Variants in FRY observed in about 807,000 individuals in gnomAD.
The protein encoded by FRY is protein furry homolog.
A neutral mutation model predicts 348.4 loss-of-function variants in FRY; 128 were observed. The observed-to-expected ratio is 0.37, with a 90% CI of 0.32 to 0.43. The LOEUF (loss-of-function observed/expected upper bound fraction) is 0.43, where lower values mean the gene tolerates loss of function less well. Ranked by LOEUF, FRY falls within the 20% of genes least tolerant of loss-of-function variation. The pLI is 1.00. For missense variants in FRY, 2,736 were observed against 3,695.2 expected (o/e 0.74, Z 6.73); for synonymous variants, 1,370 against 1,374.7 (o/e 1.00, Z 0.08).
intron 1 of FRY, among the ~76,000 whole-genome samples, chr13:32,047,304 C>G (rs1045681119): frequency 1.3e-5 from 2 of 152,194 alleles, no homozygotes; most frequent in Admixed American, 6.5e-5. Context: ...GACAGTATGA[C>G]CAGGAACCAA....
intron 17 of FRY, among the ~76,000 whole-genome samples, chr13:32,161,857 T>G (rs1881460885): frequency 6.6e-6 from 1 of 152,226 alleles, no homozygotes; most frequent in Non-Finnish European, 1.5e-5. Flanking sequence ...AACCTAAAAT[T>G]TATTTTCTTT....
chr13:32,228,361 C>A, intron 39 of FRY, 95 bp from the exon 40 acceptor site: 1 of 921,064 alleles, frequency 1.1e-6, no homozygotes, highest in Non-Finnish European at 1.8e-6. Flanking sequence ...ATTTAAATAA[C>A]TCCACACTTC....
intron 2 of FRY, chr13:32,085,754 A>C (rs1371843284): frequency 7.3e-6 from 3 of 409,126 alleles, no homozygotes; most frequent in African/African-American, 2.1e-5. Context: ...CTTTGTGTTC[A>C]CGCAAACATA....
chr13:32,139,819 A>C (rs1013587379), intron 11 of FRY, among the ~76,000 whole-genome samples: 1 of 152,212 alleles, frequency 6.6e-6, no homozygotes, highest in Admixed American at 6.5e-5. Flanking sequence ...CTATAAAAAA[A>C]TGCATTCCCT....
intron 1 of FRY, among the ~76,000 whole-genome samples, chr13:32,059,789 C>T (rs989197776): frequency 6.6e-6 from 1 of 152,206 alleles, no homozygotes; most frequent in African/African-American, 2.4e-5. Flanking sequence ...TGTCTGTACA[C>T]AGATAACTCC....
Position 32,178,177 on chromosome 13 carries a change from G to A in FRY, c.2422G>A (p.Ala808Thr). 6.8e-6 allele frequency: 11 copies of A among 1,614,120 alleles called. No individual in the cohort carries two copies. The highest frequency in any genetic ancestry group is 9.3e-6 in the Non-Finnish European group (11 of 1,179,996). ...TACAACCTACCTCTTATACCTACAG[G>A]CAACATTACCACTCACCCACAATGT... is the stretch of plus-strand genomic sequence containing the variant. The part of the protein sequence containing the change: ...SFIHVAVSDS[A>T]TLPLTHNVDL... The change falls in exon 21 of 61, where the codon GCA (alanine) becomes ACA (threonine). Residue 808 changes from alanine to threonine, a missense_variant and splice_region_variant. Ala to Thr is a moderately conservative substitution (Grantham distance 58, BLOSUM62 0). Around this residue, in one of 9 missense-constraint regions of FRY, gnomAD observed 449 missense variants for 576.9 expected, o/e 0.78. Transcript: ENST00000542859.
chr13:32,291,140 A>G (rs1197115871), intron 59 of FRY, among the ~76,000 whole-genome samples: 1 of 152,090 alleles, frequency 6.6e-6, no homozygotes, highest in Non-Finnish European at 1.5e-5. Flanking sequence ...GTGAGGATGA[A>G]GCCTGGGAAA....
chr13:32,087,244 G>A (rs114905687), intron 2 of FRY, among the ~76,000 whole-genome samples: 11 of 152,276 alleles, frequency 7.2e-5, no homozygotes, highest in African/African-American at 2.6e-4. Flanking sequence ...ATGGCCAGCC[G>A]GCACAAACAC....
Position 32,274,641 on chromosome 13 carries a change from T to C in FRY, c.8137-201T>C, listed in dbSNP as rs368924189. Among the ~76,000 whole-genome samples, 132 of 140,178 alleles carry C rather than the reference T, an allele frequency of 9.4e-4. No individual in the cohort carries two copies. In the Middle Eastern group the frequency reaches 0.012, roughly 13 times the overall value. The allele number at this position is 140,178 out of a possible 152,430, so 92.0% of individuals were successfully genotyped here. ...ATGGCGTGAACCTGGGAGGGGGAGCTTGCAGTGAGCCGAGATCGCGCCACT... is the reference window on the plus strand; with the variant it reads ...ATGGCGTGAACCTGGGAGGGGGAGCCTGCAGTGAGCCGAGATCGCGCCACT... On this transcript the variant is annotated intron_variant, in intron 55 of 60. Transcript: ENST00000542859.
chr13:32,184,112 G>A (rs572663558), intron 24 of FRY, among the ~76,000 whole-genome samples: 2 of 152,176 alleles, frequency 1.3e-5, no homozygotes, highest in African/African-American at 2.4e-5. Flanking sequence ...CCAGGAGTTC[G>A]AGGTTATAGT....
chr13:32,186,337 C>A lies in FRY; in HGVS notation c.3397C>A (p.Pro1133Thr). The A allele has an allele frequency of 1.2e-6, 2 of 1,610,000 alleles. No individual in the cohort carries two copies. The highest frequency in any genetic ancestry group is 2.2e-5 in the South Asian group (2 of 90,988). ...CATCTTATTCAGCCAGTGGGCAGGACCCTTCAGCATTATGTTCACTCCTCT... is the reference window on the plus strand; with the variant it reads ...CATCTTATTCAGCCAGTGGGCAGGAACCTTCAGCATTATGTTCACTCCTCT... ...LFILFSQWAGPFSIMFTPLDR... is the reference protein window; with the variant it reads ...LFILFSQWAGTFSIMFTPLDR... Residue 1133 changes from proline (P) to threonine (T), a missense_variant, in exon 27 of 61, where the codon CCC (proline) becomes ACC (threonine). Physicochemically the swap from Pro to Thr is conservative, Grantham distance 38 (BLOSUM62 -1). Coordinates refer to ENST00000542859, the MANE Select transcript of FRY (RefSeq NM_023037.3).
chr13:32,108,139 C>A (rs1877696143), intron 3 of FRY, among the ~76,000 whole-genome samples: 1 of 152,154 alleles, frequency 6.6e-6, no homozygotes, highest in Non-Finnish European at 1.5e-5. Flanking sequence ...GAGGGTCAGG[C>A]AGTGCACAAC....
At chr13:32,159,433 A>G (rs1423223374) in intron 16 of FRY, among the ~76,000 whole-genome samples, 2 of 152,294 alleles carry the variant, frequency 1.3e-5, no homozygotes, top group East Asian at 3.9e-4. Context: ...TCTTTATTCC[A>G]TATCCCTTTT....
intron 31 of FRY, among the ~76,000 whole-genome samples, chr13:32,205,202 CAAAAAAA>C: frequency 1.3e-5 from 1 of 77,830 alleles, no homozygotes; most frequent in African/African-American, 5.0e-5. Flanking sequence ...GACTCTGTCT[CAAAAAAA>C]AAAAAAAAAA....
At chr13:32,090,350 CAAA>C (rs34392238) in intron 2 of FRY, among the ~76,000 whole-genome samples, 1 of 58,808 alleles carries the variant, frequency 1.7e-5, no homozygotes. Context: ...GACTCCATCT[CAAA>C]AAAAAAAAAA....
chr13:32,175,736 T>A (rs2138228480), intron 20 of FRY, 104 bp downstream of exon 20: 1 of 737,224 alleles, frequency 1.4e-6, no homozygotes, highest in East Asian at 2.6e-5. Context: ...TTATGTCAGA[T>A]TAATAAACTG....
intron 2 of FRY, among the ~76,000 whole-genome samples, chr13:32,086,778 C>T (rs977682318): frequency 5.3e-5 from 8 of 152,136 alleles, no homozygotes; most frequent in Admixed American, 5.2e-4. Context: ...TCTTGTCCTT[C>T]AGCAGAGACT....
At chr13:32,274,450 G>A (rs1040595904) in intron 55 of FRY, among the ~76,000 whole-genome samples, 1 of 152,062 alleles carries the variant, frequency 6.6e-6, no homozygotes, top group African/African-American at 2.4e-5. Flanking sequence ...GCTCACACCT[G>A]TAATCCCAGC....
chr13:32,128,979 A>C (rs1455319601), intron 7 of FRY, among the ~76,000 whole-genome samples: 1 of 152,186 alleles, frequency 6.6e-6, no homozygotes, highest in East Asian at 1.9e-4. Context: ...TTGAAGTCCA[A>C]GCTCAAGGTG....
Sources: allele counts gnomAD v4.1 joint callset (sites outside exome capture counted in the v4.1 genomes callset), GRCh38; gene constraint gnomAD v4.1.1; regional missense constraint gnomAD v4.1.1; transcripts MANE v1.5; gene names NCBI Gene and HGNC (gene_info 2026-07-23, HGNC 2026-07-21).